Variants in AFG2A observed in about 807,000 individuals in gnomAD.
AFG2A encodes ATPase family gene 2 protein homolog A.
At chr4:123,016,640 G>T in the AFG2A span, among the ~76,000 whole-genome samples, 1 of 151,322 alleles carries the variant, frequency 6.6e-6, no homozygotes, top group African/African-American at 2.4e-5. Context: ...TTTCCAGACT[G>T]GGTAGCCAGG....
chr4:123,202,295 AC>A, the AFG2A span, among the ~76,000 whole-genome samples: 150 of 152,196 alleles, frequency 9.9e-4, 1 homozygote, highest in Admixed American at 3.9e-4. Flanking sequence ...TTTAGCATAT[AC>A]TACTAATATG....
chr4:123,105,731 C>T, the AFG2A span, among the ~76,000 whole-genome samples: 1 of 152,094 alleles, frequency 6.6e-6, no homozygotes, highest in Non-Finnish European at 1.5e-5. Flanking sequence ...AGCAAAAGAG[C>T]TAGAATTAGA....
At chr4:122,949,413 A>G in the AFG2A span, among the ~76,000 whole-genome samples, 1 of 152,166 alleles carries the variant, frequency 6.6e-6, no homozygotes, top group Non-Finnish European at 1.5e-5. Context: ...GAAGGTCACT[A>G]TACCAAGTAT....
chr4:123,060,749 T>A, the AFG2A span, among the ~76,000 whole-genome samples: 288 of 152,292 alleles, frequency 1.9e-3, no homozygotes, highest in Non-Finnish European at 3.1e-3. Context: ...GTCTTGGCAT[T>A]AGCATTTGGT....
chr4:123,022,855 A>G, the AFG2A span, among the ~76,000 whole-genome samples: 2 of 152,158 alleles, frequency 1.3e-5, no homozygotes, highest in Non-Finnish European at 2.9e-5. Context: ...CTATGCAGCC[A>G]TAAAAAATGA....
chr4:122,953,299 G>A, the AFG2A span, among the ~76,000 whole-genome samples: 1 of 152,192 alleles, frequency 6.6e-6, no homozygotes, highest in Admixed American at 6.5e-5. Context: ...GGGTTTTGGT[G>A]GCAGTCTCTC....
At chr4:123,121,509 G>A in the AFG2A span, among the ~76,000 whole-genome samples, 3 of 152,228 alleles carry the variant, frequency 2.0e-5, no homozygotes, top group East Asian at 1.9e-4. Context: ...CAGGCATACC[G>A]TTTTTTAATC....
At chr4:123,143,009 G>A in the AFG2A span, among the ~76,000 whole-genome samples, 1 of 152,140 alleles carries the variant, frequency 6.6e-6, no homozygotes, top group African/African-American at 2.4e-5. Context: ...TGAAGGAAAT[G>A]CTCATTGGAG....
At chr4:123,028,138 CTGTT>C in the AFG2A span, 4 of 1,486,742 alleles carry the variant, frequency 2.7e-6, no homozygotes, top group African/African-American at 2.8e-5. Context: ...TTTTAGTTCT[CTGTT>C]TGTCCTGGCA....
the AFG2A span, among the ~76,000 whole-genome samples, chr4:123,058,550 A>G: frequency 6.6e-6 from 1 of 152,162 alleles, no homozygotes; most frequent in Non-Finnish European, 1.5e-5. Flanking sequence ...GCTTGAGCCC[A>G]GGAGGTGGAG....
chr4:123,268,546 G>A, the AFG2A span, among the ~76,000 whole-genome samples: 6 of 152,208 alleles, frequency 3.9e-5, no homozygotes, highest in East Asian at 1.2e-3. Flanking sequence ...ACATTCAAAG[G>A]ACTAAAAATT....
At chr4:123,199,657 A>G in the AFG2A span, among the ~76,000 whole-genome samples, 19 of 151,780 alleles carry the variant, frequency 1.3e-4, no homozygotes, top group Non-Finnish European at 2.8e-4. Context: ...TTTTTAGTAG[A>G]GACGGGGTTT....
the AFG2A span, among the ~76,000 whole-genome samples, chr4:123,137,109 A>T: frequency 1.3e-5 from 2 of 152,172 alleles, no homozygotes; most frequent in Non-Finnish European, 2.9e-5. Context: ...ATGAGTGCGC[A>T]TCTAACGGTG....
the AFG2A span, among the ~76,000 whole-genome samples, chr4:122,987,082 T>A: frequency 6.6e-6 from 1 of 152,196 alleles, no homozygotes; most frequent in Non-Finnish European, 1.5e-5. Context: ...ACCTTGTCTT[T>A]TTTTGACAGT....
chr4:123,122,381 A>G, the AFG2A span, among the ~76,000 whole-genome samples: 2 of 152,210 alleles, frequency 1.3e-5, no homozygotes, highest in Non-Finnish European at 2.9e-5. Flanking sequence ...TATGTGCTCA[A>G]CACTTACATT....
At chr4:122,930,626 C>A in the AFG2A span, among the ~76,000 whole-genome samples, 1 of 152,202 alleles carries the variant, frequency 6.6e-6, no homozygotes, top group Non-Finnish European at 1.5e-5. Flanking sequence ...TACACACACA[C>A]ACAGTTACCC....
the AFG2A span, chr4:123,057,384 A>T: frequency 6.1e-6 from 8 of 1,313,246 alleles, no homozygotes; most frequent in Non-Finnish European, 8.5e-6. Context: ...TACAACTTTT[A>T]TCTATTAATA....
the AFG2A span, among the ~76,000 whole-genome samples, chr4:123,066,134 A>G: frequency 1.3e-5 from 2 of 152,202 alleles, no homozygotes; most frequent in Non-Finnish European, 2.9e-5. Flanking sequence ...GTTCTAAGCT[A>G]GCTTTCATTG....
At chr4:123,162,019 G>C in the AFG2A span, among the ~76,000 whole-genome samples, 1 of 104,098 alleles carries the variant, frequency 9.6e-6, no homozygotes, top group Non-Finnish European at 2.7e-5. Flanking sequence ...TGGTTAATCA[G>C]CTGGGGAAAA....
Sources: gnomAD v4.1 joint callset for allele counts (sites outside exome capture counted in the v4.1 genomes callset) on GRCh38, gnomAD v4.1.1 for gene constraint, MANE v1.5 for transcripts, NCBI Gene and HGNC (gene_info 2026-07-23, HGNC 2026-07-21) for gene names.